The following GRM5 variants were observed in gnomAD, a reference collection of about 807,000 sequenced individuals.
GRM5 encodes metabotropic glutamate receptor 5.
A neutral mutation model predicts 83.1 loss-of-function variants in GRM5; 19 were observed. The observed-to-expected ratio is 0.23, with a 90% CI of 0.16 to 0.34. The LOEUF (loss-of-function observed/expected upper bound fraction) is 0.34, where lower values mean the gene tolerates loss of function less well. GRM5 is among the 10% of genes least tolerant of loss of function. The probability of loss-of-function intolerance (pLI) is 1.00; values close to 1 mark genes in which losing one functional copy is unlikely to be tolerated. For missense variants in GRM5, 1,160 were observed against 1,588.3 expected, an observed-to-expected ratio of 0.73 and a Z score of 4.58; for synonymous variants, 675 against 633.6, an observed-to-expected ratio of 1.07 and a Z score of -0.98.
At chr11:88,827,977 A>G (rs1166275532) in intron 3 of GRM5, among the ~76,000 whole-genome samples, 1 of 152,194 alleles carries the variant, frequency 6.6e-6, no homozygotes, top group African/African-American at 2.4e-5. Flanking sequence ...TGATGGTCAG[A>G]GATGTTTCAG....
At chr11:88,576,408 G>C (rs986318787) in intron 7 of GRM5, among the ~76,000 whole-genome samples, 1 of 152,114 alleles carries the variant, frequency 6.6e-6, no homozygotes, top group Non-Finnish European at 1.5e-5. Context: ...CTGTTTCTTT[G>C]CTTGTTGTAT....
chr11:89,007,596 G>C (rs532952377), intron 2 of GRM5, among the ~76,000 whole-genome samples: 71 of 152,256 alleles, frequency 4.7e-4, no homozygotes, highest in African/African-American at 1.7e-3. Context: ...AGGTAATAAA[G>C]GTTTATTTGT....
At position 88,509,065 on chromosome 11, in the gene GRM5, A is replaced by G. The variant is rs1941273174; in HGVS notation, c.3166T>C (p.Ser1056Pro). 1 of 1,554,072 alleles carries G rather than the reference A, an allele frequency of 6.4e-7. No homozygotes were observed. Among genetic ancestry groups the G allele is most frequent in the African/African-American group, 1.4e-5 (1 of 73,010 alleles). Residue 1056 changes from serine (S) to proline (P), a missense_variant, in exon 10 of 10, where the codon TCC becomes CCC. By Grantham distance (74) the Ser-to-Pro change is moderately conservative (BLOSUM62 -1). Transcript: ENST00000305447. ...ACACTGCTGATCTGCTCCATGAGGG[A>G]GCCCTGCGAGGAGCTGCTGCGCGCC... ...PVARSSSSQG[S>P]LMEQISSVVT...
chr11:88,845,595 G>T (rs376329748), intron 3 of GRM5, among the ~76,000 whole-genome samples: 1 of 151,584 alleles, frequency 6.6e-6, no homozygotes, highest in Non-Finnish European at 1.5e-5. Context: ...CGCGACACCC[G>T]GCTACTTTTT....
chr11:88,684,882 C>G (rs957252679), intron 3 of GRM5, among the ~76,000 whole-genome samples: 1 of 152,192 alleles, frequency 6.6e-6, no homozygotes, highest in African/African-American at 2.4e-5. Flanking sequence ...TTGCCAGCCA[C>G]ATGGAACTGT....
At chr11:88,608,685 C>A (rs1270951482) in intron 4 of GRM5, among the ~76,000 whole-genome samples, 1 of 151,416 alleles carries the variant, frequency 6.6e-6, no homozygotes, top group African/African-American at 2.4e-5. Flanking sequence ...TGCCCGGGTA[C>A]ATTTTTTTGT....
At chr11:88,738,177 A>T (rs1337665753) in intron 3 of GRM5, among the ~76,000 whole-genome samples, 2 of 152,160 alleles carry the variant, frequency 1.3e-5, no homozygotes, top group South Asian at 2.1e-4. Context: ...ACAATTATAA[A>T]ATCTATTTTT....
intron 8 of GRM5, among the ~76,000 whole-genome samples, chr11:88,533,571 C>T (rs1942065582): frequency 6.6e-6 from 1 of 152,228 alleles, no homozygotes; most frequent in South Asian, 2.1e-4. Flanking sequence ...TGATAGAATG[C>T]AAGCTCTATG....
At chr11:88,574,995 T>TTTTTA (rs1943078404) in intron 7 of GRM5, among the ~76,000 whole-genome samples, 1 of 149,176 alleles carries the variant, frequency 6.7e-6, no homozygotes, top group African/African-American at 2.5e-5. Context: ...CTTTTTTTTT[T>TTTTTA]TTTTTTACTT....
At position 88,707,257 on chromosome 11, in the gene GRM5, ATTAAG is replaced by A. The variant is rs557634800; in HGVS notation, c.912-53859_912-53855del. ...AGCTATCACATATAGAATTTTGTGCATTAAGTTAATATCTAAAAATACTTAGGTCA... is the reference window on the plus strand; with the variant it reads ...AGCTATCACATATAGAATTTTGTGCATTAATATCTAAAAATACTTAGGTCA... On this transcript the variant is annotated intron_variant, in intron 3 of 9. Transcript: ENST00000305447. 8.7e-4 allele frequency among the ~76,000 whole-genome samples: 133 copies of A among 152,212 alleles called. No individual in the cohort carries two copies. In the Middle Eastern group the frequency reaches 0.014, roughly 16 times the overall value.
intron 2 of GRM5, among the ~76,000 whole-genome samples, chr11:89,000,600 A>G (rs1450240207): frequency 4.6e-5 from 7 of 152,190 alleles, no homozygotes; most frequent in African/African-American, 7.2e-5. Context: ...TTAAAATTTT[A>G]GGAAAAAATA....
intron 2 of GRM5, among the ~76,000 whole-genome samples, chr11:88,918,760 T>TA (rs34351791): frequency 0.85 from 129,202 of 151,756 alleles, 55,915 homozygotes; most frequent in Non-Finnish European, 0.95. Context: ...AGTATGAAGT[T>TA]AAATGTAGAG....
chr11:88,917,037 C>T (rs764282424), intron 2 of GRM5, among the ~76,000 whole-genome samples: 9 of 152,288 alleles, frequency 5.9e-5, no homozygotes, highest in Non-Finnish European at 1.2e-4. Context: ...GGGCAAGACC[C>T]AGTACTGTGC....
At chr11:89,019,302 T>C (rs1172893012) in intron 2 of GRM5, among the ~76,000 whole-genome samples, 1 of 152,170 alleles carries the variant, frequency 6.6e-6, no homozygotes, top group East Asian at 1.9e-4. Context: ...ACCCTTATCA[T>C]TGTTTATGTT....
intron 3 of GRM5, among the ~76,000 whole-genome samples, chr11:88,812,424 A>G (rs946976547): frequency 6.6e-6 from 1 of 152,180 alleles, no homozygotes; most frequent in Non-Finnish European, 1.5e-5. Flanking sequence ...CATAGAGATA[A>G]AGCAATTAAG....
chr11:89,009,338 A>G (rs1445293481), intron 2 of GRM5, among the ~76,000 whole-genome samples: 1 of 152,172 alleles, frequency 6.6e-6, no homozygotes, highest in East Asian at 1.9e-4. Flanking sequence ...CAATTTTGAA[A>G]AAAGGAATTG....
chr11:88,881,025 A>G (rs1425785552), intron 2 of GRM5, among the ~76,000 whole-genome samples: 1 of 152,106 alleles, frequency 6.6e-6, no homozygotes, highest in Non-Finnish European at 1.5e-5. Flanking sequence ...ATAACATTGT[A>G]TATTACAGAA....
chr11:88,680,571 G>A (rs1565183848), intron 3 of GRM5, among the ~76,000 whole-genome samples: 1 of 152,148 alleles, frequency 6.6e-6, no homozygotes, highest in Non-Finnish European at 1.5e-5. Context: ...AGACAGTGTG[G>A]CGATCCCTCA....
chr11:89,030,677 A>G (rs1941240780), intron 2 of GRM5, among the ~76,000 whole-genome samples: 1 of 152,110 alleles, frequency 6.6e-6, no homozygotes, highest in Admixed American at 6.6e-5. Flanking sequence ...ATATAAAAAC[A>G]AAGTCCTTAA....
Sources: gnomAD v4.1 joint callset for allele counts (sites outside exome capture counted in the v4.1 genomes callset) on GRCh38, gnomAD v4.1.1 for gene constraint, MANE v1.5 for transcripts, NCBI Gene and HGNC (gene_info 2026-07-23, HGNC 2026-07-21) for gene names.